The following MYZAP variants were observed in gnomAD, a reference collection of about 807,000 sequenced individuals.
MYZAP encodes the protein myocardial zonula adherens protein.
In MYZAP, 66 loss-of-function variants were observed where a neutral mutation model predicts 69.4. That is an observed-to-expected ratio of 0.95 (90% confidence interval 0.78 to 1.17). The LOEUF is 1.17. Ranked by LOEUF, MYZAP falls within the 50% of genes most tolerant of loss-of-function variation. The pLI is 0.00. For missense variants in MYZAP, 611 were observed against 556.2 expected (o/e 1.10, Z -0.99); for synonymous variants, 256 against 205.9 (o/e 1.24, Z -2.09).
intron 12 of MYZAP, among the ~76,000 whole-genome samples, chr15:57,683,467 C>G (rs1206919262): frequency 6.6e-6 from 1 of 152,152 alleles, no homozygotes; most frequent in Non-Finnish European, 1.5e-5. Context: ...ATGTACATAT[C>G]TTTCCCACCA....
intron 1 of MYZAP, among the ~76,000 whole-genome samples, chr15:57,598,839 A>G (rs1389301922): frequency 1.3e-5 from 2 of 152,162 alleles, no homozygotes; most frequent in Admixed American, 1.3e-4. Context: ...CTTGCCTGAT[A>G]GCTGTCTGCT....
At chr15:57,631,090 C>T (rs1196749498) in intron 6 of MYZAP, among the ~76,000 whole-genome samples, 1 of 152,178 alleles carries the variant, frequency 6.6e-6, no homozygotes, top group Non-Finnish European at 1.5e-5. Context: ...CTCTTCTTTT[C>T]CGTGTAAGAG....
At chr15:57,664,698 G>C (rs1456742596) in intron 11 of MYZAP, among the ~76,000 whole-genome samples, 1 of 152,142 alleles carries the variant, frequency 6.6e-6, no homozygotes, top group Non-Finnish European at 1.5e-5. Context: ...CAAAAGTTTT[G>C]GTAGATAAAT....
intron 1 of MYZAP, among the ~76,000 whole-genome samples, chr15:57,594,573 G>A (rs2033933112): frequency 6.6e-6 from 1 of 152,186 alleles, no homozygotes; most frequent in South Asian, 2.1e-4. Context: ...CAGTAGCCAG[G>A]ATATATGACG....
intron 10 of MYZAP, among the ~76,000 whole-genome samples, chr15:57,654,337 T>C (rs1407542402): frequency 2.0e-5 from 3 of 152,244 alleles, no homozygotes; most frequent in East Asian, 1.9e-4. Flanking sequence ...AGTTTTAACC[T>C]ACCTCCTATT....
Position 57,603,792 on chromosome 15 carries a change from C to T in MYZAP, c.76-477C>T, listed in dbSNP as rs535152256. Among the ~76,000 whole-genome samples the T allele has an allele frequency of 3.3e-5, 5 of 152,134 alleles. No homozygotes were observed. In the South Asian group the frequency reaches 1.0e-3, roughly 32 times the overall value. ...CTATTGTGGATAATGCTGCTATGAA[C>T]ATGGGTATATGGACTTTTTTGAAAA... On this transcript the variant is annotated intron_variant, in intron 1 of 12. Coordinates refer to ENST00000267853, the MANE Select transcript of MYZAP (RefSeq NM_001018100.5).
At chr15:57,602,845 A>T (rs1449401395) in intron 1 of MYZAP, among the ~76,000 whole-genome samples, 1 of 152,166 alleles carries the variant, frequency 6.6e-6, no homozygotes, top group Non-Finnish European at 1.5e-5. Flanking sequence ...TAAATGAATA[A>T]ATACCTGTAA....
intron 11 of MYZAP, among the ~76,000 whole-genome samples, chr15:57,669,547 G>T (rs1299331159): frequency 6.6e-6 from 1 of 151,788 alleles, no homozygotes; most frequent in Non-Finnish European, 1.5e-5. Flanking sequence ...CCAGATAGTG[G>T]GTTATCAATT....
chr15:57,684,739 C>T lies in MYZAP; in HGVS notation c.*241C>T, dbSNP rs951720598. Reference sequence around the variant, plus strand: ...CTCGGCATACCCTGCCGTACTGCATCATCATTTGTTTTCTTTGTAGACACT... The same window carrying T: ...CTCGGCATACCCTGCCGTACTGCATTATCATTTGTTTTCTTTGTAGACACT... On this transcript the variant is annotated 3_prime_UTR_variant, in exon 13 of 13. Transcript: ENST00000267853. The T allele has an allele frequency of 1.7e-5, 6 of 345,242 alleles. No individual in the cohort carries two copies. The highest frequency in any genetic ancestry group is 3.1e-5 in the Non-Finnish European group (6 of 192,342). 21.4% of individuals were successfully genotyped at this position (345,242 alleles called of 1,614,324 possible). A position where few individuals can be genotyped will look rare whatever the true frequency, so the allele number is the denominator to read the frequency against.
chr15:57,653,318 G>A (rs529256409), intron 10 of MYZAP, among the ~76,000 whole-genome samples: 8 of 152,076 alleles, frequency 5.3e-5, no homozygotes, highest in African/African-American at 1.7e-4. Flanking sequence ...TGACAATTTC[G>A]CAAGGAAACA....
At chr15:57,616,531 G>A (rs1457812087) in intron 2 of MYZAP, among the ~76,000 whole-genome samples, 1 of 152,158 alleles carries the variant, frequency 6.6e-6, no homozygotes, top group Non-Finnish European at 1.5e-5. Flanking sequence ...AGCTACTCAG[G>A]AGGCTGAGGT....
chr15:57,658,196 G>A (rs1307385366), intron 10 of MYZAP, among the ~76,000 whole-genome samples: 1 of 152,046 alleles, frequency 6.6e-6, no homozygotes, highest in East Asian at 1.9e-4. Context: ...GCAAGATTTG[G>A]CCATACTTGC....
intron 11 of MYZAP, among the ~76,000 whole-genome samples, chr15:57,667,844 AACCACTAC>A (rs1354840359): frequency 5.9e-5 from 9 of 152,338 alleles, no homozygotes; most frequent in Admixed American, 5.9e-4. Context: ...CCCATGAAAT[AACCACTAC>A]AATCAAGATA....
intron 12 of MYZAP, among the ~76,000 whole-genome samples, chr15:57,678,041 C>CAAAAAAAAGAAAAAAGAAAAAAAAAAAAA (rs2039228146): frequency 8.6e-6 from 1 of 116,272 alleles, no homozygotes; most frequent in African/African-American, 3.5e-5. Context: ...TTATCTCTAC[C>CAAAAAAAAGAAAAAAGAAAAAAAAAAAAA]AAAAAAAAAA....
intron 10 of MYZAP, among the ~76,000 whole-genome samples, chr15:57,649,186 A>G (rs1355717771): frequency 6.6e-6 from 1 of 152,200 alleles, no homozygotes; most frequent in African/African-American, 2.4e-5. Context: ...AACAATACCA[A>G]CATGTCTCCA....
chr15:57,619,888 CAT>C (rs552012175), intron 3 of MYZAP, among the ~76,000 whole-genome samples: 103 of 152,238 alleles, frequency 6.8e-4, no homozygotes, highest in African/African-American at 2.5e-3. Context: ...CTGTGGATGA[CAT>C]GTACCAAAGA....
rs191523528 is a variant in MYZAP at position 57,604,398 on chromosome 15, T to C, written c.162+43T>C. 3.2e-5 allele frequency: 51 copies of C among 1,609,394 alleles called. 1 individual carries two copies. In the African/African-American group the frequency reaches 5.1e-4, roughly 16 times the overall value. On this transcript the variant is annotated intron_variant, in intron 2 of 12. Transcript: ENST00000267853. Reference sequence around the variant, plus strand: ...CAAAGCCCCAACAAGTTCCAGCCTCTATACCCTTAACCCACTCTCCCATCT... The same window carrying C: ...CAAAGCCCCAACAAGTTCCAGCCTCCATACCCTTAACCCACTCTCCCATCT...
intron 1 of MYZAP, among the ~76,000 whole-genome samples, chr15:57,600,360 C>T (rs1455951371): frequency 6.6e-6 from 1 of 152,198 alleles, no homozygotes; most frequent in Non-Finnish European, 1.5e-5. Flanking sequence ...GCGCCTGCTG[C>T]AACTGCCAAA....
intron 11 of MYZAP, among the ~76,000 whole-genome samples, chr15:57,665,165 A>G (rs1210538679): frequency 1.3e-5 from 2 of 152,264 alleles, no homozygotes; most frequent in Non-Finnish European, 2.9e-5. Flanking sequence ...TTTCACCTTT[A>G]GGTGAACATG....
Sources: gnomAD v4.1 joint callset for allele counts (sites outside exome capture counted in the v4.1 genomes callset) on GRCh38, gnomAD v4.1.1 for gene constraint, MANE v1.5 for transcripts, NCBI Gene and HGNC (gene_info 2026-07-23, HGNC 2026-07-21) for gene names.